Variants in BTBD9 observed in about 807,000 individuals in gnomAD.
BTBD9 encodes the protein BTB domain containing 9, also known as BTB/POZ domain-containing protein 9.
A neutral mutation model predicts 64.3 loss-of-function variants in BTBD9; 49 were observed. The observed-to-expected ratio is 0.76, with a 90% confidence interval of 0.61 to 0.97. The LOEUF (loss-of-function observed/expected upper bound fraction) is 0.97. BTBD9 is among the 50% of genes least tolerant of loss of function. BTBD9 has a pLI of 0.00. For synonymous variants in BTBD9, 260 were observed against 274.7 expected, an observed-to-expected ratio of 0.95 and a Z score of 0.53; for missense variants, 598 against 762.1, an observed-to-expected ratio of 0.78 and a Z score of 2.53.
At chr6:38,517,729 A>G (rs915272706) in intron 6 of BTBD9, among the ~76,000 whole-genome samples, 1 of 152,166 alleles carries the variant, frequency 6.6e-6, no homozygotes, top group Non-Finnish European at 1.5e-5. Context: ...TTCAGAAAAA[A>G]GCTGCATGCT....
chr6:38,427,095 C>T (rs1022964612), intron 6 of BTBD9, among the ~76,000 whole-genome samples: 2 of 150,874 alleles, frequency 1.3e-5, no homozygotes, highest in African/African-American at 4.9e-5. Context: ...TTCTCCTGGA[C>T]AAATAACCAA....
At chr6:38,558,257 T>TAA (rs36105146) in intron 6 of BTBD9, among the ~76,000 whole-genome samples, 15,807 of 146,158 alleles carry the variant, frequency 0.11, 1,252 homozygotes, top group East Asian at 0.26. Context: ...GACCCTTTCT[T>TAA]AAAAAAAAAA....
chr6:38,531,648 C>T (rs1281145179), intron 6 of BTBD9, among the ~76,000 whole-genome samples: 1 of 151,958 alleles, frequency 6.6e-6, no homozygotes, highest in African/African-American at 2.4e-5. Context: ...TGAAGACAGA[C>T]AGTATAAGAA....
At chr6:38,544,323 G>T (rs909936831) in intron 6 of BTBD9, among the ~76,000 whole-genome samples, 2 of 152,030 alleles carry the variant, frequency 1.3e-5, no homozygotes, top group African/African-American at 4.8e-5. Context: ...AGTCCCCATG[G>T]ATACTGAGAG....
At position 38,171,863 on chromosome 6, in the gene BTBD9, AAAAAAAAAAAAAAAAAAAATAAT is replaced by A. The variant is rs1462430245; in HGVS notation, c.*3099_*3121del. The A allele has an allele frequency of 7.4e-5, 6 of 80,566 alleles. No homozygotes were observed. Among genetic ancestry groups the A allele is most frequent in the Admixed American group, 1.2e-4 (1 of 8,588 alleles). The allele number at this position is 80,566 out of a possible 1,614,324, so 5.0% of individuals were successfully genotyped here. On this transcript the variant is annotated 3_prime_UTR_variant, in exon 11 of 11. Transcript: ENST00000481247. ...TCTACTCTCAAAAAAAAAAAAAAAA[AAAAAAAAAAAAAAAAAAAATAAT>A]AATAATAATAATAATAATAATAATG...
intron 6 of BTBD9, among the ~76,000 whole-genome samples, chr6:38,381,776 C>CTACATACACACA: frequency 6.6e-6 from 1 of 152,212 alleles, no homozygotes; most frequent in East Asian, 1.9e-4. Context: ...AATAACAACT[C>CTACATACACACA]TACATACACA....
chr6:38,374,307 G>GTATATATATATATATATATATACGTA (rs1326025092), intron 6 of BTBD9, among the ~76,000 whole-genome samples: 2 of 59,090 alleles, frequency 3.4e-5, no homozygotes, highest in Non-Finnish European at 6.0e-5. Flanking sequence ...GTATATATAT[G>GTATATATATATATATATATATACGTA]TATATATATA....
chr6:38,326,097 A>G lies in BTBD9; in HGVS notation c.1264+18887T>C, dbSNP rs184145950. On this transcript the variant is annotated intron_variant, in intron 7 of 10. Coordinates refer to ENST00000481247, the MANE Select transcript of BTBD9 (RefSeq NM_001099272.2). ...GGGTCAGGGAAGCCTTTTCTGAAGAAGTGACATTAATCTGAAACTTAAAGG... is the reference window on the plus strand; with the variant it reads ...GGGTCAGGGAAGCCTTTTCTGAAGAGGTGACATTAATCTGAAACTTAAAGG... Among the ~76,000 whole-genome samples, 3 of 152,352 alleles carry G rather than the reference A, an allele frequency of 2.0e-5. No homozygotes were observed. The East Asian group carries it at 5.8e-4, about 29-fold the overall frequency.
intron 10 of BTBD9, among the ~76,000 whole-genome samples, chr6:38,190,467 T>TAAAAAAAAA (rs70981527): frequency 6.5e-5 from 5 of 77,518 alleles, no homozygotes; most frequent in Admixed American, 3.2e-4. Context: ...AAACTCTGTC[T>TAAAAAAAAA]AAAAAAAAAA....
intron 6 of BTBD9, among the ~76,000 whole-genome samples, chr6:38,392,076 A>G (rs1766442392): frequency 6.6e-6 from 1 of 152,186 alleles, no homozygotes; most frequent in Non-Finnish European, 1.5e-5. Flanking sequence ...CTGGCAAGAC[A>G]CCAAACAAAG....
chr6:38,444,865 A>G (rs1769196949), intron 6 of BTBD9, among the ~76,000 whole-genome samples: 1 of 152,234 alleles, frequency 6.6e-6, no homozygotes, highest in Non-Finnish European at 1.5e-5. Context: ...TCACTAACTA[A>G]AAGAAGATTT....
intron 6 of BTBD9, among the ~76,000 whole-genome samples, chr6:38,489,613 A>T (rs575644904): frequency 1.3e-5 from 2 of 152,232 alleles, no homozygotes; most frequent in Non-Finnish European, 2.9e-5. Context: ...AACTTCTAGG[A>T]CGGACCAGCT....
chr6:38,229,578 A>G (rs1763527054), intron 9 of BTBD9, among the ~76,000 whole-genome samples: 1 of 152,190 alleles, frequency 6.6e-6, no homozygotes, highest in Non-Finnish European at 1.5e-5. Context: ...TCATATGGAT[A>G]TATGAACACC....
intron 9 of BTBD9, among the ~76,000 whole-genome samples, chr6:38,221,439 G>A (rs1283606071): frequency 6.6e-6 from 1 of 152,064 alleles, no homozygotes; most frequent in South Asian, 2.1e-4. Flanking sequence ...TTCAGTCTGA[G>A]ACATCCCAGC....
At chr6:38,219,315 T>TG (rs1004993575) in intron 9 of BTBD9, among the ~76,000 whole-genome samples, 1 of 150,286 alleles carries the variant, frequency 6.7e-6, no homozygotes, top group Non-Finnish European at 1.5e-5. Context: ...TTTTTTTTTT[T>TG]TGTATTTTAG....
Position 38,508,037 on chromosome 6 carries a change from G to C in BTBD9, c.1154+69563C>G, listed in dbSNP as rs145596191. Among the ~76,000 whole-genome samples, 1,134 of 152,004 alleles carry C rather than the reference G, an allele frequency of 7.5e-3. 5 individuals carry two copies. The highest frequency in any genetic ancestry group is 0.012 in the Non-Finnish European group (837 of 67,960). On this transcript the variant is annotated intron_variant, in intron 6 of 10. Transcript: ENST00000481247. ...TTTAGTAGAGACGGGGTTTCACTGT[G>C]TTAGCCAGGATTGTCTCGATCTCCT...
intron 8 of BTBD9, among the ~76,000 whole-genome samples, chr6:38,266,610 GAAA>G (rs1764989319): frequency 1.1e-3 from 4 of 3,634 alleles, no homozygotes; most frequent in South Asian, 8.8e-3. Context: ...AGAAAGGAAA[GAAA>G]GAAAGAAAGA....
intron 6 of BTBD9, among the ~76,000 whole-genome samples, chr6:38,566,404 T>C (rs1197793217): frequency 6.6e-6 from 1 of 152,222 alleles, no homozygotes; most frequent in Non-Finnish European, 1.5e-5. Flanking sequence ...ATATCCTGAG[T>C]TGAAATATTT....
At chr6:38,376,840 C>T (rs1407523436) in intron 6 of BTBD9, among the ~76,000 whole-genome samples, 2 of 152,108 alleles carry the variant, frequency 1.3e-5, no homozygotes, top group African/African-American at 4.8e-5. Context: ...AAAAGCTATC[C>T]AGTACCTTCA....
Sources: allele counts gnomAD v4.1 joint callset (sites outside exome capture counted in the v4.1 genomes callset), GRCh38; gene constraint gnomAD v4.1.1; transcripts MANE v1.5; gene names NCBI Gene and HGNC (gene_info 2026-07-23, HGNC 2026-07-21).